The following DCAKD variants were observed in gnomAD, a reference collection of about 807,000 sequenced individuals.
DCAKD encodes dephospho-CoA kinase domain containing, also known as dephospho-CoA kinase domain-containing protein.
In DCAKD, 15 loss-of-function variants were observed where a neutral mutation model predicts 18.7. The observed-to-expected ratio is 0.80, with a 90% CI of 0.54 to 1.24. DCAKD has a LOEUF of 1.24. DCAKD is among the 50% of genes most tolerant of loss of function. The pLI is 0.00. For synonymous variants in DCAKD, 130 were observed against 133.0 expected, an observed-to-expected ratio of 0.98 and a Z score of 0.16; for missense variants, 301 against 322.0, an observed-to-expected ratio of 0.93 and a Z score of 0.50.
chr17:45,056,691 T>C (rs2053783795), intron 1 of DCAKD, among the ~76,000 whole-genome samples: 1 of 152,122 alleles, frequency 6.6e-6, no homozygotes, highest in Admixed American at 6.5e-5. Context: ...GCCAGGCTGG[T>C]CTCAAACTCC....
chr17:45,054,249 T>C (rs919210922), upstream of DCAKD: 7 of 431,256 alleles, frequency 1.6e-5, no homozygotes, highest in Non-Finnish European at 2.7e-5. Context: ...AAGACAGTTT[T>C]ATTTATTTTT....
At chr17:45,055,803 C>T (rs751659024), upstream of DCAKD, among the ~76,000 whole-genome samples, 2 of 152,084 alleles carry the variant, frequency 1.3e-5, no homozygotes, top group Non-Finnish European at 2.9e-5. Flanking sequence ...TCAGTGTTCC[C>T]GAGGTTGGAA....
chr17:45,050,019 G>A (rs1478707787), intron 1 of DCAKD, among the ~76,000 whole-genome samples: 2 of 139,960 alleles, frequency 1.4e-5, no homozygotes, highest in Non-Finnish European at 3.1e-5. Context: ...CACCGCGCTC[G>A]GCCTCCCAGC....
At position 45,030,490 on chromosome 17, in the gene DCAKD, C is replaced by G. The variant is rs191435487; in HGVS notation, c.317-311G>C. ...TGAGGATTCCACGAATGAGAACCAC[C>G]ACAGCACAGGGAGAGGGAGGCTCTA... On this transcript the variant is annotated intron_variant, in intron 3 of 4. Transcript: ENST00000651974. Among the ~76,000 whole-genome samples the G allele has an allele frequency of 1.1e-3, 171 of 152,320 alleles. 1 individual carries two copies. The highest frequency in any genetic ancestry group is 3.9e-3 in the African/African-American group (163 of 41,566).
chr17:45,054,558 A>G (rs1175779912), upstream of DCAKD, among the ~76,000 whole-genome samples: 1 of 151,944 alleles, frequency 6.6e-6, no homozygotes, highest in Non-Finnish European at 1.5e-5. Context: ...GACAGTTGTT[A>G]TTTTTTCAAG....
At chr17:45,030,311 A>G (rs1191314183) in intron 3 of DCAKD, 132 bp from the exon 4 acceptor site, 5 of 747,614 alleles carry the variant, frequency 6.7e-6, no homozygotes, top group Non-Finnish European at 1.2e-5. Flanking sequence ...TACCCTGCAC[A>G]CTGGCCGGTT....
At chr17:45,051,122 C>T (rs1161898827) in intron 1 of DCAKD, among the ~76,000 whole-genome samples, 3 of 152,196 alleles carry the variant, frequency 2.0e-5, no homozygotes, top group African/African-American at 7.2e-5. Context: ...AACTTGGGAT[C>T]GGAAAGATAC....
At chr17:45,042,209 C>T (rs1490958402) in intron 1 of DCAKD, among the ~76,000 whole-genome samples, 1 of 152,120 alleles carries the variant, frequency 6.6e-6, no homozygotes, top group African/African-American at 2.4e-5. Flanking sequence ...TCATCCAATC[C>T]CCCAACCCAA....
chr17:45,044,685 C>A (rs2053522876), intron 1 of DCAKD, among the ~76,000 whole-genome samples: 1 of 107,780 alleles, frequency 9.3e-6, no homozygotes, highest in African/African-American at 4.3e-5. Context: ...GAGAGAGACT[C>A]CATCAATAAA....
chr17:45,027,842 C>G (rs145014961), intron 4 of DCAKD, among the ~76,000 whole-genome samples: 1 of 151,836 alleles, frequency 6.6e-6, no homozygotes, highest in Non-Finnish European at 1.5e-5. Context: ...AAAACTTAGC[C>G]GGGCATGGTG....
At chr17:45,038,854 G>A (rs1209452628) in intron 1 of DCAKD, among the ~76,000 whole-genome samples, 1 of 150,514 alleles carries the variant, frequency 6.6e-6, no homozygotes, top group African/African-American at 2.5e-5. Flanking sequence ...ACAAATAACA[G>A]CTGTTCCTGT....
chr17:45,047,484 T>G (rs944504659), intron 1 of DCAKD, among the ~76,000 whole-genome samples: 17 of 149,542 alleles, frequency 1.1e-4, no homozygotes, highest in Non-Finnish European at 2.2e-4. Context: ...GAGGTTTTGC[T>G]GGGTTGCCCT....
intron 1 of DCAKD, among the ~76,000 whole-genome samples, chr17:45,047,296 T>C (rs2053591667): frequency 6.6e-6 from 1 of 152,022 alleles, no homozygotes; most frequent in African/African-American, 2.4e-5. Context: ...AGCTTATTTT[T>C]TTCGAGGCAG....
chr17:45,053,624 T>G (rs2053750501), upstream of DCAKD, among the ~76,000 whole-genome samples: 1 of 152,210 alleles, frequency 6.6e-6, no homozygotes, highest in Non-Finnish European at 1.5e-5. Context: ...TTTCACCACG[T>G]TGGCCGGGCT....
At chr17:45,033,451 C>T (rs1364004108) in intron 3 of DCAKD, among the ~76,000 whole-genome samples, 1 of 152,118 alleles carries the variant, frequency 6.6e-6, no homozygotes, top group South Asian at 2.1e-4. Context: ...GTCTTCCTAA[C>T]ATGCTCACGT....
intron 4 of DCAKD, among the ~76,000 whole-genome samples, chr17:45,029,120 C>G (rs1368697183): frequency 6.6e-6 from 1 of 152,254 alleles, no homozygotes; most frequent in Non-Finnish European, 1.5e-5. Context: ...GTTAGCCTCT[C>G]AAACAGGGAA....
At chr17:45,060,194 A>C (rs1277514862) in intron 1 of DCAKD, among the ~76,000 whole-genome samples, 1 of 152,128 alleles carries the variant, frequency 6.6e-6, no homozygotes, top group African/African-American at 2.4e-5. Context: ...TAATGTACGA[A>C]ATGCCTTACT....
Position 45,059,057 on chromosome 17 carries a change from G to A in DCAKD, c.-118+1831C>T, listed in dbSNP as rs554604255. Among the ~76,000 whole-genome samples, 6 of 152,100 alleles carry A rather than the reference G, an allele frequency of 3.9e-5. No individual in the cohort carries two copies. In the East Asian group the frequency reaches 7.8e-4, roughly 20 times the overall value. On this transcript the variant is annotated intron_variant, in intron 1 of 4. Coordinates refer to the DCAKD transcript ENST00000310604. ...AGATCGAGCCCACCCTGGCTAACAC[G>A]GTGAAACCCCGTCTCTACTAAAAAT...
chr17:45,034,921 G>T lies in DCAKD; in HGVS notation c.-36C>A. ...AGAGAGCTGTCCGCGAGACTACGGA[G>T]CCAGGAGCTACAGAATCACTGGAGA... On this transcript the variant is annotated 5_prime_UTR_variant, in exon 2 of 5. Coordinates refer to ENST00000651974, the MANE Select transcript of DCAKD (RefSeq NM_001288655.2). The T allele has an allele frequency of 6.2e-7, 1 of 1,606,772 alleles. No individual in the cohort carries two copies. The highest frequency in any genetic ancestry group is 8.5e-7 in the Non-Finnish European group (1 of 1,174,528).
Sources: gnomAD v4.1 joint callset for allele counts (sites outside exome capture counted in the v4.1 genomes callset) on GRCh38, gnomAD v4.1.1 for gene constraint, MANE v1.5 for transcripts, NCBI Gene and HGNC (gene_info 2026-07-23, HGNC 2026-07-21) for gene names.